Variants in MACROD2 observed in about 807,000 individuals in gnomAD.
MACROD2 encodes ADP-ribose glycohydrolase MACROD2.
A neutral mutation model predicts 70.4 loss-of-function variants in MACROD2; 36 were observed. The observed-to-expected ratio is 0.51, with a 90% confidence interval of 0.39 to 0.68. The LOEUF is 0.68. Ranked by LOEUF, MACROD2 falls within the 30% of genes least tolerant of loss-of-function variation. MACROD2 has a pLI of 0.00. For synonymous variants in MACROD2, 172 were observed against 178.8 expected (o/e 0.96, Z 0.30); for missense variants, 496 against 538.4 (o/e 0.92, Z 0.78).
chr20:15,561,755 A>G (rs1161896541), intron 8 of MACROD2, among the ~76,000 whole-genome samples: 3 of 152,068 alleles, frequency 2.0e-5, no homozygotes, highest in Non-Finnish European at 4.4e-5. Flanking sequence ...ACTGGGGTGA[A>G]AAGCTGCTGC....
intron 1 of MACROD2, among the ~76,000 whole-genome samples, chr20:13,998,420 G>T (rs971971021): frequency 6.6e-6 from 1 of 152,060 alleles, no homozygotes; most frequent in African/African-American, 2.4e-5. Context: ...TTGCATTTCT[G>T]TATGTACCTT....
At chr20:14,993,386 T>C (rs933747459) in intron 5 of MACROD2, among the ~76,000 whole-genome samples, 4 of 152,116 alleles carry the variant, frequency 2.6e-5, no homozygotes, top group African/African-American at 7.2e-5. Context: ...GGGTAAACTT[T>C]TGATCCCAAC....
At chr20:15,866,337 A>G (rs1353384154) in intron 9 of MACROD2, among the ~76,000 whole-genome samples, 1 of 152,142 alleles carries the variant, frequency 6.6e-6, no homozygotes, top group Non-Finnish European at 1.5e-5. Flanking sequence ...TTGAGGCTGC[A>G]GTTGGCTATG....
At chr20:14,984,562 A>G (rs992451556) in intron 5 of MACROD2, among the ~76,000 whole-genome samples, 1 of 152,162 alleles carries the variant, frequency 6.6e-6, no homozygotes, top group African/African-American at 2.4e-5. Flanking sequence ...TTACATCTAG[A>G]TTAAAGAAAC....
intron 5 of MACROD2, among the ~76,000 whole-genome samples, chr20:15,215,252 T>TTGTGTGTGTGTG (rs376439581): frequency 2.5e-4 from 34 of 135,548 alleles, no homozygotes; most frequent in East Asian, 8.6e-4. Flanking sequence ...CTCCTGTATT[T>TTGTGTGTGTGTG]TGTGTGTGTG....
intron 3 of MACROD2, among the ~76,000 whole-genome samples, chr20:14,112,081 A>G (rs1362333000): frequency 6.6e-6 from 1 of 152,006 alleles, no homozygotes; most frequent in African/African-American, 2.4e-5. Context: ...GGAACTGGAA[A>G]TCGTTATATT....
At position 14,099,933 on chromosome 20, in the gene MACROD2, T is replaced by TC. The variant is rs143030539; in HGVS notation, c.271+14207dup. On this transcript the variant is annotated intron_variant, in intron 3 of 17. Transcript: ENST00000684519. The stretch of plus-strand genomic sequence containing the variant: ...TTTGATAGCAGTTTGTAGCTAACAA[T>TC]CCATGTTAAGCCAGCATTTGTAAGT... 7.3e-3 allele frequency among the ~76,000 whole-genome samples: 1,106 copies of TC among 152,218 alleles called. 12 individuals carry two copies. Among genetic ancestry groups the TC allele is most frequent in the African/African-American group, 0.025 (1,050 of 41,550 alleles).
At chr20:15,882,669 C>A (rs953939661) in intron 9 of MACROD2, among the ~76,000 whole-genome samples, 8 of 152,096 alleles carry the variant, frequency 5.3e-5, no homozygotes, top group Middle Eastern at 6.8e-3. Flanking sequence ...ATTCTTCTTA[C>A]CCAAGATTTG....
intron 1 of MACROD2, among the ~76,000 whole-genome samples, chr20:13,998,954 CA>C (rs11476537): frequency 0.4 from 39,477 of 99,542 alleles, 5,355 homozygotes; most frequent in Admixed American, 0.49. Flanking sequence ...GACTCCGTCT[CA>C]AAAAAAAAAA....
chr20:15,100,255 A>AT (rs1396936195), intron 5 of MACROD2, among the ~76,000 whole-genome samples: 1 of 151,630 alleles, frequency 6.6e-6, no homozygotes, highest in African/African-American at 2.4e-5. Flanking sequence ...GGTTCACCTG[A>AT]TTTTTTTTCT....
chr20:14,922,015 T>G lies in MACROD2; in HGVS notation c.418+237056T>G, dbSNP rs1205874912. Among the ~76,000 whole-genome samples the G allele has an allele frequency of 1.3e-5, 2 of 152,190 alleles. 1 individual carries two copies. The highest frequency in any genetic ancestry group is 2.9e-5 in the Non-Finnish European group (2 of 68,028). On this transcript the variant is annotated intron_variant, in intron 5 of 17. Coordinates refer to ENST00000684519, the MANE Select transcript of MACROD2 (RefSeq NM_001351661.2). Reference sequence around the variant, plus strand: ...GTAGTTCTTCTAATTATTTTCTGATTGCAGGATAGCCTTGTTGGAAATGCT... The same window carrying G: ...GTAGTTCTTCTAATTATTTTCTGATGGCAGGATAGCCTTGTTGGAAATGCT...
chr20:15,693,751 T>G (rs547099641), intron 8 of MACROD2, among the ~76,000 whole-genome samples: 18 of 152,290 alleles, frequency 1.2e-4, no homozygotes, highest in African/African-American at 3.9e-4. Flanking sequence ...TGGGGTACAG[T>G]GGTATTTGGT....
At chr20:15,252,271 G>A (rs2077162283) in intron 6 of MACROD2, among the ~76,000 whole-genome samples, 1 of 152,222 alleles carries the variant, frequency 6.6e-6, no homozygotes, top group Non-Finnish European at 1.5e-5. Context: ...AAGTGTTTGA[G>A]ATGTAGAAGG....
chr20:15,899,908 GTTA>G (rs915676558), intron 10 of MACROD2, among the ~76,000 whole-genome samples: 5 of 152,016 alleles, frequency 3.3e-5, no homozygotes, highest in African/African-American at 9.6e-5. Flanking sequence ...TAATATTAAA[GTTA>G]TTATTATTAT....
intron 4 of MACROD2, among the ~76,000 whole-genome samples, chr20:14,605,101 A>G (rs74952196): frequency 0.024 from 3,607 of 152,272 alleles, 62 homozygotes; most frequent in Admixed American, 0.037. Flanking sequence ...ATTAAAACCT[A>G]TGAAGTTAGA....
At chr20:14,381,141 C>G (rs939326871) in intron 3 of MACROD2, among the ~76,000 whole-genome samples, 1 of 152,098 alleles carries the variant, frequency 6.6e-6, no homozygotes, top group African/African-American at 2.4e-5. Flanking sequence ...GGAACAGAGA[C>G]TGATCTGGAT....
At chr20:14,383,300 G>A (rs983915670) in intron 3 of MACROD2, among the ~76,000 whole-genome samples, 3 of 12,638 alleles carry the variant, frequency 2.4e-4, no homozygotes, top group African/African-American at 3.7e-4. Context: ...TGTCATAACC[G>A]TTTTTTGTTT....
At chr20:15,414,068 A>G (rs951623019) in intron 6 of MACROD2, among the ~76,000 whole-genome samples, 2 of 152,156 alleles carry the variant, frequency 1.3e-5, no homozygotes, top group Non-Finnish European at 2.9e-5. Context: ...GAGGTTATAT[A>G]TATCATTAGA....
chr20:15,497,726 T>C (rs1250217582), intron 7 of MACROD2, among the ~76,000 whole-genome samples: 1 of 152,160 alleles, frequency 6.6e-6, no homozygotes, highest in African/African-American at 2.4e-5. Context: ...GGTTCCCCAT[T>C]TTACAGCCCT....
Sources: gnomAD v4.1 joint callset for allele counts (sites outside exome capture counted in the v4.1 genomes callset) on GRCh38, gnomAD v4.1.1 for gene constraint, MANE v1.5 for transcripts, NCBI Gene and HGNC (gene_info 2026-07-23, HGNC 2026-07-21) for gene names.